Variants in HEATR5B observed in about 807,000 individuals in gnomAD.
HEATR5B encodes HEAT repeat containing 5B.
HEATR5B carries 156 observed loss-of-function variants against 224.1 expected under a neutral mutation model. The ratio of observed to expected loss-of-function variants is 0.70; its 90% CI spans 0.61 to 0.80. HEATR5B has a LOEUF of 0.80. Among genes scored for constraint, HEATR5B ranks in the 30% least tolerant of loss-of-function variants. The pLI is 0.00. For missense variants in HEATR5B, 2,323 were observed against 2,535.5 expected (o/e 0.92, Z 1.80); for synonymous variants, 1,027 against 893.0 (o/e 1.15, Z -2.68).
Position 37,065,809 on chromosome 2 carries a change from G to C in HEATR5B, c.1279C>G (p.Leu427Val). The change falls in exon 9 of 36, where the codon CTG (leucine) becomes GTG (valine). Residue 427 changes from leucine to valine, a missense_variant. This residue lies in a region of HEATR5B where 502 missense variants were observed against 517.8 expected (regional missense o/e 0.97). Coordinates refer to ENST00000233099, the MANE Select transcript of HEATR5B (RefSeq NM_019024.3). The stretch of plus-strand genomic sequence containing the variant: ...GCGGTGGCATTCAAGCTCTGCACCA[G>C]GCTCCCGAGTTCCTGGAGGGCACAG... ...MVCALQELGS[L>V]VQSLNATASP... is the part of the protein sequence containing the mutation. 6.2e-7 allele frequency: 1 copy of C among 1,614,002 alleles called. No homozygotes were observed. Among genetic ancestry groups the C allele is most frequent in the East Asian group, 2.2e-5 (1 of 44,870 alleles).
At chr2:37,026,892 A>C (rs13394987) in intron 24 of HEATR5B, among the ~76,000 whole-genome samples, 1 of 151,916 alleles carries the variant, frequency 6.6e-6, no homozygotes, top group South Asian at 2.1e-4. Context: ...TCCGCCTCCC[A>C]GGTTCAAGCG....
chr2:37,031,165 G>A (rs1337534263), intron 22 of HEATR5B, among the ~76,000 whole-genome samples: 1 of 152,150 alleles, frequency 6.6e-6, no homozygotes, highest in Non-Finnish European at 1.5e-5. Flanking sequence ...GGGAGCTTGT[G>A]CCTGGTTTCC....
chr2:36,988,875 A>G lies in HEATR5B; in HGVS notation c.5698-16T>C, dbSNP rs571654596. On this transcript the variant is annotated splice_polypyrimidine_tract_variant and intron_variant, in intron 34 of 35. Coordinates refer to ENST00000233099, the MANE Select transcript of HEATR5B (RefSeq NM_019024.3). ...TGGCTTGAACCTATATAAGAAGAAC[A>G]TATTATCAATTAACATGTGTATAGT... 21 of 1,563,666 alleles carry G rather than the reference A, an allele frequency of 1.3e-5. No homozygotes were observed. The African/African-American group carries it at 1.4e-4, about 10-fold the overall frequency.
chr2:37,057,553 G>C (rs542672007), intron 14 of HEATR5B, 73 bp from the exon 15 acceptor site: 2 of 947,036 alleles, frequency 2.1e-6, no homozygotes, highest in East Asian at 5.5e-5. Flanking sequence ...CCCACAAAGA[G>C]CTGCAACATG....
intron 27 of HEATR5B, among the ~76,000 whole-genome samples, chr2:37,010,008 A>C (rs978188480): frequency 7.9e-5 from 12 of 152,190 alleles, no homozygotes; most frequent in African/African-American, 2.7e-4. Flanking sequence ...TGCTAGTCAC[A>C]TACATTACCT....
intron 6 of HEATR5B, 75 bp downstream of exon 6, chr2:37,072,035 C>T: frequency 8.3e-7 from 1 of 1,200,762 alleles, no homozygotes; most frequent in African/African-American, 1.5e-5. Flanking sequence ...AAATTTAAAT[C>T]CATTACACTG....
rs550607648 is a variant in HEATR5B at position 37,046,943 on chromosome 2, G to A, written c.2696+2710C>T. On this transcript the variant is annotated intron_variant, in intron 18 of 35. Transcript: ENST00000233099. ...CCTGCACCTGTAATCCCAGCTACAC[G>A]GGAGGCTAAGGAAGGAGAATCACTT... 4.0e-5 allele frequency among the ~76,000 whole-genome samples: 6 copies of A among 151,022 alleles called. No homozygotes were observed. The East Asian group carries it at 7.8e-4, about 20-fold the overall frequency.
At chr2:37,012,939 C>T (rs1331223065) in intron 27 of HEATR5B, among the ~76,000 whole-genome samples, 3 of 152,248 alleles carry the variant, frequency 2.0e-5, no homozygotes, top group Admixed American at 6.5e-5. Flanking sequence ...TGTGATAATG[C>T]TCCTTACCCT....
Position 37,084,350 on chromosome 2 carries a change from C to G in HEATR5B, c.-104G>C, listed in dbSNP as rs10176233. On this transcript the variant is annotated 5_prime_UTR_variant, in exon 1 of 36. Transcript: ENST00000233099. Reference sequence around the variant, plus strand: ...AGACCCGGATGCCCCACCTCCCGCACTCCTACCTGCAGGAAACAAGGGAAG... The same window carrying G: ...AGACCCGGATGCCCCACCTCCCGCAGTCCTACCTGCAGGAAACAAGGGAAG... 15,525 of 467,580 alleles carry G rather than the reference C, an allele frequency of 0.033. 314 individuals are homozygous for G. The highest frequency in any genetic ancestry group is 0.058 in the African/African-American group (2,892 of 50,022). The allele number at this position is 467,580 out of a possible 1,614,324, so 29.0% of individuals were successfully genotyped here.
intron 26 of HEATR5B, among the ~76,000 whole-genome samples, chr2:37,016,530 T>C (rs1668129699): frequency 6.6e-6 from 1 of 152,176 alleles, no homozygotes; most frequent in Admixed American, 6.5e-5. Context: ...TAGCAAGATG[T>C]GTGGCAGCAC....
At chr2:37,005,510 C>G (rs1402320404) in intron 30 of HEATR5B, 122 bp downstream of exon 30, 1 of 836,582 alleles carries the variant, frequency 1.2e-6, no homozygotes, top group East Asian at 2.6e-5. Flanking sequence ...TACAGGGAGT[C>G]AGTGTATTCA....
intron 7 of HEATR5B, among the ~76,000 whole-genome samples, chr2:37,069,697 A>T (rs1256969510): frequency 6.6e-6 from 1 of 152,196 alleles, no homozygotes. Flanking sequence ...TATTTACACA[A>T]ATATGGTAGA....
At chr2:37,054,057 A>G (rs1395644698) in intron 16 of HEATR5B, among the ~76,000 whole-genome samples, 1 of 151,866 alleles carries the variant, frequency 6.6e-6, no homozygotes, top group Non-Finnish European at 1.5e-5. Flanking sequence ...AGCTTTTGGG[A>G]AAGTTCAAAA....
At chr2:37,047,155 G>A (rs973576854) in intron 18 of HEATR5B, among the ~76,000 whole-genome samples, 13 of 150,624 alleles carry the variant, frequency 8.6e-5, no homozygotes, top group Non-Finnish European at 7.4e-5. Context: ...ACCAGCCTGG[G>A]CAACACAGCA....
In HEATR5B at chr2:36,993,554, AAAAG is replaced by A. The variant is rs200704829; in HGVS notation, c.5546-2759_5546-2756del. ...TGAGACTCTGTTTAAAAAAAAAAAA[AAAAG>A]AAAGAAAGTTTGATGGGAACAGACA... On this transcript the variant is annotated intron_variant, in intron 33 of 35. Transcript: ENST00000233099. 7.1e-3 allele frequency among the ~76,000 whole-genome samples: 1,085 copies of A among 152,002 alleles called. 10 individuals carry two copies. The highest frequency in any genetic ancestry group is 0.024 in the African/African-American group (987 of 41,428).
At chr2:36,982,343 G>T (rs553398114) in intron 35 of HEATR5B, among the ~76,000 whole-genome samples, 1 of 143,476 alleles carries the variant, frequency 7.0e-6, no homozygotes, top group Non-Finnish European at 1.5e-5. Flanking sequence ...ACCTATGTCC[G>T]ACTGATATAA....
intron 24 of HEATR5B, among the ~76,000 whole-genome samples, chr2:37,021,504 C>G (rs1239254349): frequency 6.6e-6 from 1 of 152,168 alleles, no homozygotes; most frequent in African/African-American, 2.4e-5. Flanking sequence ...AGGACAATGA[C>G]AAGATGAGAA....
chr2:37,076,876 G>A (rs1347173723), intron 4 of HEATR5B, 35 bp downstream of exon 4: 3 of 1,466,190 alleles, frequency 2.0e-6, no homozygotes, highest in African/African-American at 1.4e-5. Flanking sequence ...CTTGCCACAA[G>A]CAAATATTCA....
intron 27 of HEATR5B, among the ~76,000 whole-genome samples, chr2:37,011,023 C>T (rs11674811): frequency 0.34 from 52,001 of 151,916 alleles, 9,188 homozygotes; most frequent in East Asian, 0.54. Context: ...AAAGATTTGG[C>T]TTTAATTATT....
Sources: allele counts gnomAD v4.1 joint callset (sites outside exome capture counted in the v4.1 genomes callset), GRCh38; gene constraint gnomAD v4.1.1; regional missense constraint gnomAD v4.1.1; transcripts MANE v1.5; gene names NCBI Gene and HGNC (gene_info 2026-07-23, HGNC 2026-07-21).